SORCS3: variants seen among roughly 807,000 people sequenced by gnomAD.
SORCS3 encodes the protein VPS10 domain-containing receptor SorCS3.
In SORCS3, 57 loss-of-function variants were observed where a neutral mutation model predicts 146.3. The ratio of observed to expected loss-of-function variants is 0.39; its 90% CI spans 0.31 to 0.49. The LOEUF is 0.49. SORCS3 is among the 20% of genes least tolerant of loss of function. The probability of loss-of-function intolerance (pLI) is 0.92; values close to 1 mark genes in which losing one functional copy is unlikely to be tolerated. For missense variants in SORCS3, 1,341 were observed against 1,575.5 expected, an observed-to-expected ratio of 0.85 and a Z score of 2.52; for synonymous variants, 653 against 618.5, an observed-to-expected ratio of 1.06 and a Z score of -0.83.
In SORCS3 at chr10:104,911,043, C is replaced by T. The variant is rs183845815; in HGVS notation, c.696-4790C>T. On this transcript the variant is annotated intron_variant, in intron 2 of 26. Transcript: ENST00000369701. ...GATGAGCCTGTTTTCTCTAAGTGAC[C>T]CCACTGGCTGATGTCTGGAATCACA... Among the ~76,000 whole-genome samples the T allele has an allele frequency of 3.2e-3, 481 of 152,282 alleles. 1 individual carries two copies. Among genetic ancestry groups the T allele is most frequent in the African/African-American group, 0.011 (458 of 41,544 alleles).
chr10:105,244,944 C>G (rs2056856666), intron 20 of SORCS3, among the ~76,000 whole-genome samples: 1 of 151,702 alleles, frequency 6.6e-6, no homozygotes, highest in Non-Finnish European at 1.5e-5. Context: ...TGGCATACAC[C>G]TGTAGTCCCA....
chr10:104,866,626 C>T (rs1314065269), intron 2 of SORCS3, among the ~76,000 whole-genome samples: 5 of 152,194 alleles, frequency 3.3e-5, no homozygotes, highest in African/African-American at 1.2e-4. Context: ...AAAGTGGGGA[C>T]AAAGTTTACC....
chr10:105,140,772 A>G (rs955910960), intron 8 of SORCS3, among the ~76,000 whole-genome samples: 1 of 152,146 alleles, frequency 6.6e-6, no homozygotes, highest in African/African-American at 2.4e-5. Flanking sequence ...AGCAGAGACC[A>G]TTTTAAGTAG....
At chr10:104,721,650 T>C (rs1358571005) in intron 1 of SORCS3, among the ~76,000 whole-genome samples, 4 of 152,130 alleles carry the variant, frequency 2.6e-5, no homozygotes, top group Non-Finnish European at 4.4e-5. Context: ...TCTTTTATTT[T>C]ATTGAGCAGT....
chr10:104,849,198 G>A (rs2018242139), intron 2 of SORCS3, among the ~76,000 whole-genome samples: 1 of 152,022 alleles, frequency 6.6e-6, no homozygotes, highest in African/African-American at 2.4e-5. Context: ...ATTACCTGAG[G>A]TCAGGGGTTC....
intron 9 of SORCS3, among the ~76,000 whole-genome samples, chr10:105,150,001 A>G (rs1246439895): frequency 6.6e-6 from 1 of 152,178 alleles, no homozygotes; most frequent in Admixed American, 6.5e-5. Flanking sequence ...AAAATAAAAC[A>G]GCTTTCTTGA....
intron 3 of SORCS3, among the ~76,000 whole-genome samples, chr10:104,947,235 C>T (rs988167629): frequency 4.6e-5 from 7 of 152,026 alleles, no homozygotes; most frequent in African/African-American, 9.7e-5. Flanking sequence ...TGTTGGTAGA[C>T]GTTCACATTT....
chr10:104,899,663 G>C (rs189107328), intron 2 of SORCS3, among the ~76,000 whole-genome samples: 1 of 152,288 alleles, frequency 6.6e-6, no homozygotes, highest in East Asian at 1.9e-4. Flanking sequence ...GAGGGGAAGT[G>C]AATTACTCTC....
intron 7 of SORCS3, among the ~76,000 whole-genome samples, chr10:105,107,705 A>G (rs992761753): frequency 2.4e-4 from 37 of 152,210 alleles, no homozygotes; most frequent in African/African-American, 8.7e-4. Flanking sequence ...GATAGTGAAC[A>G]CAACAAAGTT....
At chr10:104,838,899 C>G (rs2018104031) in intron 1 of SORCS3, among the ~76,000 whole-genome samples, 1 of 152,156 alleles carries the variant, frequency 6.6e-6, no homozygotes, top group Non-Finnish European at 1.5e-5. Flanking sequence ...GGCTCTTAGG[C>G]TCCGGCTTTA....
intron 3 of SORCS3, among the ~76,000 whole-genome samples, chr10:104,955,913 G>T (rs947197309): frequency 2.4e-4 from 37 of 152,148 alleles, no homozygotes; most frequent in African/African-American, 8.2e-4. Context: ...TTACAGTTTT[G>T]CTGTAACTTA....
intron 4 of SORCS3, among the ~76,000 whole-genome samples, chr10:105,017,884 C>T (rs962613759): frequency 6.6e-6 from 1 of 152,178 alleles, no homozygotes; most frequent in African/African-American, 2.4e-5. Context: ...GCACAATGGA[C>T]CAGCCTCTAA....
At chr10:104,942,605 G>C (rs2019331878) in intron 3 of SORCS3, among the ~76,000 whole-genome samples, 1 of 152,056 alleles carries the variant, frequency 6.6e-6, no homozygotes, top group South Asian at 2.1e-4. Flanking sequence ...AACCAAATTG[G>C]GTTTATTTTA....
At chr10:105,191,769 A>G (rs1194434754) in intron 14 of SORCS3, among the ~76,000 whole-genome samples, 1 of 152,132 alleles carries the variant, frequency 6.6e-6, no homozygotes, top group Non-Finnish European at 1.5e-5. Context: ...TGTACAGTTC[A>G]TAGTAGGGTT....
At chr10:104,767,870 A>C (rs568361608) in intron 1 of SORCS3, among the ~76,000 whole-genome samples, 28 of 139,034 alleles carry the variant, frequency 2.0e-4, no homozygotes, top group African/African-American at 7.4e-4. Flanking sequence ...TAAATTTATG[A>C]GTCTATTAGA....
At chr10:105,174,414 A>G (rs1004285400) in intron 13 of SORCS3, among the ~76,000 whole-genome samples, 1 of 152,090 alleles carries the variant, frequency 6.6e-6, no homozygotes, top group East Asian at 1.9e-4. Context: ...ACCTCAGGAT[A>G]TTTGAAAACT....
At chr10:104,873,870 GAAC>G (rs2018543585) in intron 2 of SORCS3, among the ~76,000 whole-genome samples, 1 of 152,146 alleles carries the variant, frequency 6.6e-6, no homozygotes, top group Non-Finnish European at 1.5e-5. Context: ...GGTATGTGTT[GAAC>G]AATAACTACC....
intron 1 of SORCS3, among the ~76,000 whole-genome samples, chr10:104,827,951 T>C (rs1205932646): frequency 6.6e-6 from 1 of 152,184 alleles, no homozygotes; most frequent in African/African-American, 2.4e-5. Flanking sequence ...GAAGCTTACC[T>C]CTCTTAGACT....
intron 3 of SORCS3, among the ~76,000 whole-genome samples, chr10:104,939,495 CGT>C (rs1564717627): frequency 6.6e-6 from 1 of 151,188 alleles, no homozygotes; most frequent in East Asian, 1.9e-4. Context: ...AGTGAATTCC[CGT>C]GGCTCCTCTT....
Sources: allele counts gnomAD v4.1 joint callset (sites outside exome capture counted in the v4.1 genomes callset), GRCh38; gene constraint gnomAD v4.1.1; transcripts MANE v1.5; gene names NCBI Gene and HGNC (gene_info 2026-07-23, HGNC 2026-07-21).